ADGRL2: variants seen among roughly 807,000 people sequenced by gnomAD.
ADGRL2 encodes the protein calcium-independent alpha-latrotoxin receptor 2.
A neutral mutation model predicts 157.4 loss-of-function variants in ADGRL2; 44 were observed. That is an observed-to-expected ratio of 0.28 (90% CI 0.22 to 0.36). The LOEUF is 0.36. ADGRL2 is among the 10% of genes least tolerant of loss of function. ADGRL2 has a pLI of 1.00. For synonymous variants in ADGRL2, 585 were observed against 624.7 expected (o/e 0.94, Z 0.95); for missense variants, 1,510 against 1,768.9 (o/e 0.85, Z 2.63).
chr1:81,378,133 C>A (rs931643455), intron 1 of ADGRL2, among the ~76,000 whole-genome samples: 1 of 151,424 alleles, frequency 6.6e-6, no homozygotes, highest in Non-Finnish European at 1.5e-5. Context: ...GAGCCGAGAT[C>A]GTGCCACTGC....
intron 2 of ADGRL2, among the ~76,000 whole-genome samples, chr1:81,884,778 C>T (rs2094085115): frequency 6.6e-6 from 1 of 152,082 alleles, no homozygotes; most frequent in African/African-American, 2.4e-5. Flanking sequence ...ATGACCCTTC[C>T]TGCTGATGAA....
intron 3 of ADGRL2, among the ~76,000 whole-genome samples, chr1:81,910,919 C>T (rs996336086): frequency 1.3e-5 from 2 of 151,506 alleles, no homozygotes; most frequent in Admixed American, 6.6e-5. Flanking sequence ...AATTTGAAAG[C>T]CCCCCTTCCT....
chr1:81,390,822 T>G, intron 1 of ADGRL2, among the ~76,000 whole-genome samples: 1 of 152,308 alleles, frequency 6.6e-6, no homozygotes, highest in Non-Finnish European at 1.5e-5. Flanking sequence ...ACCAATCCAC[T>G]GTGGATGGAC....
chr1:81,967,529 G>A (rs1340818290), intron 13 of ADGRL2, among the ~76,000 whole-genome samples: 1 of 152,144 alleles, frequency 6.6e-6, no homozygotes, highest in Non-Finnish European at 1.5e-5. Context: ...CCAAAGTGCT[G>A]GGATTACAGG....
intron 2 of ADGRL2, among the ~76,000 whole-genome samples, chr1:81,852,049 C>T (rs1557774529): frequency 6.6e-6 from 1 of 151,882 alleles, no homozygotes; most frequent in Non-Finnish European, 1.5e-5. Context: ...AATGTTTGCT[C>T]AGTAAACGTA....
chr1:81,791,558 A>G (rs1194720106), intron 2 of ADGRL2, among the ~76,000 whole-genome samples: 2 of 152,064 alleles, frequency 1.3e-5, no homozygotes, highest in Non-Finnish European at 2.9e-5. Context: ...GAATGAATCC[A>G]CTCAAACCTA....
At chr1:81,490,790 T>C (rs1468929004) in intron 2 of ADGRL2, among the ~76,000 whole-genome samples, 1 of 152,186 alleles carries the variant, frequency 6.6e-6, no homozygotes, top group Non-Finnish European at 1.5e-5. Context: ...CCTAAGCATA[T>C]CCTTTACATA....
At chr1:81,524,370 A>C (rs1047102373) in intron 2 of ADGRL2, among the ~76,000 whole-genome samples, 1 of 152,206 alleles carries the variant, frequency 6.6e-6, no homozygotes, top group Non-Finnish European at 1.5e-5. Context: ...CGTCTCAAAA[A>C]ATAAATAAAT....
At chr1:81,863,754 A>T (rs896010361) in intron 2 of ADGRL2, among the ~76,000 whole-genome samples, 2 of 152,180 alleles carry the variant, frequency 1.3e-5, no homozygotes, top group African/African-American at 4.8e-5. Context: ...TCTCACAAAG[A>T]TACGTAGTTG....
chr1:81,679,314 A>G (rs958400086), intron 3 of ADGRL2, among the ~76,000 whole-genome samples: 1 of 152,084 alleles, frequency 6.6e-6, no homozygotes, highest in Non-Finnish European at 1.5e-5. Flanking sequence ...GAAGAACCCA[A>G]AGGAATAAAG....
chr1:81,319,208 A>G (rs140933147), intron 1 of ADGRL2, among the ~76,000 whole-genome samples: 6,359 of 151,762 alleles, frequency 0.042, 164 homozygotes, highest in South Asian at 0.062. Flanking sequence ...CGGCCTCCCA[A>G]AGTGCTGGGA....
At chr1:81,542,221 T>C (rs1200424306) in intron 2 of ADGRL2, among the ~76,000 whole-genome samples, 1 of 152,170 alleles carries the variant, frequency 6.6e-6, no homozygotes, top group Admixed American at 6.5e-5. Context: ...CCAGTTCTTG[T>C]GGATGGTAAC....
chr1:81,881,285 C>A (rs2093979959), intron 2 of ADGRL2, among the ~76,000 whole-genome samples: 1 of 152,210 alleles, frequency 6.6e-6, no homozygotes, highest in African/African-American at 2.4e-5. Context: ...ACGCCATTCT[C>A]CTGCCTCAGC....
At chr1:81,862,857 T>C (rs1198783921) in intron 2 of ADGRL2, among the ~76,000 whole-genome samples, 2 of 152,154 alleles carry the variant, frequency 1.3e-5, no homozygotes, top group South Asian at 2.1e-4. Flanking sequence ...ATTCACACTA[T>C]TGTAAACAAG....
chr1:81,989,560 C>CT, intron 23 of ADGRL2: 1 of 854,560 alleles, frequency 1.2e-6, no homozygotes, highest in South Asian at 1.7e-5. Flanking sequence ...TGCTGGTAAT[C>CT]TAATTTGTTG....
At chr1:81,673,764 G>A (rs563618040) in intron 3 of ADGRL2, among the ~76,000 whole-genome samples, 6 of 152,116 alleles carry the variant, frequency 3.9e-5, no homozygotes, top group Admixed American at 3.3e-4. Flanking sequence ...TGATCTGCCC[G>A]CCTCGGCCTC....
chr1:81,794,479 T>A (rs2087491661), intron 2 of ADGRL2, among the ~76,000 whole-genome samples: 1 of 152,166 alleles, frequency 6.6e-6, no homozygotes, highest in Admixed American at 6.5e-5. Context: ...AACTTCTTTT[T>A]AATGTACAAT....
chr1:81,555,123 C>T (rs1046584899), intron 2 of ADGRL2, among the ~76,000 whole-genome samples: 6 of 151,866 alleles, frequency 4.0e-5, no homozygotes, highest in African/African-American at 1.5e-4. Flanking sequence ...CACAGAGCCA[C>T]AGGAGTACTG....
chr1:81,578,580 T>G (rs530410705), intron 2 of ADGRL2, among the ~76,000 whole-genome samples: 3 of 152,252 alleles, frequency 2.0e-5, no homozygotes, highest in Admixed American at 2.0e-4. Context: ...ACACCTTCAT[T>G]AGAATATCTA....
Sources: allele counts gnomAD v4.1 joint callset (sites outside exome capture counted in the v4.1 genomes callset), GRCh38; gene constraint gnomAD v4.1.1; transcripts MANE v1.5; gene names NCBI Gene and HGNC (gene_info 2026-07-23, HGNC 2026-07-21).